Variants in TTLL11 observed in about 807,000 individuals in gnomAD.
TTLL11 encodes the protein tubulin tyrosine ligase like 11.
Under a neutral mutation model 51.7 loss-of-function variants are expected in TTLL11, and 42 were observed. The observed-to-expected ratio is 0.81, with a 90% confidence interval of 0.64 to 1.05. TTLL11 has a LOEUF of 1.05. Ranked by LOEUF, TTLL11 falls within the 50% of genes least tolerant of loss-of-function variation. TTLL11 has a pLI of 0.00. For synonymous variants in TTLL11, 381 were observed against 383.5 expected (o/e 0.99, Z 0.08); for missense variants, 799 against 940.4 (o/e 0.85, Z 1.97).
intron 1 of TTLL11, among the ~76,000 whole-genome samples, chr9:122,061,625 G>GT (rs913410703): frequency 2.3e-4 from 35 of 151,254 alleles, no homozygotes; most frequent in African/African-American, 5.6e-4. Flanking sequence ...AAGACTAAAT[G>GT]TTTTTTTTTC....
intron 6 of TTLL11, 22 bp from the exon 7 acceptor site, chr9:121,870,770 T>C (rs1390859976): frequency 6.6e-7 from 1 of 1,519,676 alleles, no homozygotes; most frequent in Non-Finnish European, 8.8e-7. Flanking sequence ...AAAGAATTAA[T>C]GATATAACAC....
intron 3 of TTLL11, among the ~76,000 whole-genome samples, chr9:122,012,453 A>C (rs7040158): frequency 0.039 from 5,938 of 152,200 alleles, 119 homozygotes; most frequent in African/African-American, 0.059. Flanking sequence ...AAAAAAAAGC[A>C]TATTAAAGCA....
intron 1 of TTLL11, among the ~76,000 whole-genome samples, chr9:122,088,202 T>C (rs1445158207): frequency 6.6e-6 from 1 of 152,206 alleles, no homozygotes; most frequent in Non-Finnish European, 1.5e-5. Context: ...CTCCCCCATA[T>C]GCTCCCTCAG....
At chr9:122,004,929 T>A (rs1331951299) in intron 3 of TTLL11, among the ~76,000 whole-genome samples, 1 of 152,210 alleles carries the variant, frequency 6.6e-6, no homozygotes, top group African/African-American at 2.4e-5. Context: ...CCAAGTACAA[T>A]GCCAGAGACT....
At chr9:122,003,087 C>G (rs1320974924) in intron 3 of TTLL11, among the ~76,000 whole-genome samples, 1 of 152,006 alleles carries the variant, frequency 6.6e-6, no homozygotes, top group Non-Finnish European at 1.5e-5. Context: ...CTCAACAGGA[C>G]AGCTATTTCA....
intron 3 of TTLL11, among the ~76,000 whole-genome samples, chr9:121,990,903 A>G (rs553622835): frequency 5.9e-5 from 9 of 152,280 alleles, no homozygotes; most frequent in African/African-American, 2.2e-4. Context: ...TGCATAATTC[A>G]TCCTCGCCCC....
intron 1 of TTLL11, among the ~76,000 whole-genome samples, chr9:122,044,128 G>T (rs539725909): frequency 1.3e-5 from 2 of 152,044 alleles, no homozygotes; most frequent in African/African-American, 4.8e-5. Flanking sequence ...TTGTCCTTGC[G>T]ATAGTTTGCT....
intron 1 of TTLL11, among the ~76,000 whole-genome samples, chr9:122,052,341 C>A (rs1303866398): frequency 6.6e-6 from 1 of 152,210 alleles, no homozygotes; most frequent in East Asian, 1.9e-4. Context: ...TTTCCCCATG[C>A]CAGCAAGGGA....
At chr9:121,894,894 A>G (rs1270667838) in intron 6 of TTLL11, among the ~76,000 whole-genome samples, 2 of 152,172 alleles carry the variant, frequency 1.3e-5, no homozygotes, top group Admixed American at 6.5e-5. Flanking sequence ...AACTTAAAGT[A>G]TAATTTTTTT....
intron 6 of TTLL11, among the ~76,000 whole-genome samples, chr9:121,945,013 T>A (rs1293137692): frequency 6.6e-6 from 1 of 152,208 alleles, no homozygotes; most frequent in Non-Finnish European, 1.5e-5. Context: ...ACCATTAGTG[T>A]TTCTTCACTA....
chr9:122,092,892 G>C lies in TTLL11; in HGVS notation c.257C>G (p.Pro86Arg). The C allele has an allele frequency of 6.4e-7, 1 of 1,568,892 alleles. No individual in the cohort carries two copies. The highest frequency in any genetic ancestry group is 1.2e-5 in the South Asian group (1 of 85,556). Residue 86 changes from proline to arginine, a missense_variant, in exon 1 of 9, where the codon CCC becomes CGC. Physicochemically the swap from Pro to Arg is moderately radical, Grantham distance 103 (BLOSUM62 -2). This residue lies in a region of TTLL11 where 166 missense variants were observed against 161.6 expected (regional missense o/e 1.03). Transcript: ENST00000321582. ...GNTQVLQRPPPTLPPSKPKPV... is the reference protein window; with the variant it reads ...GNTQVLQRPPRTLPPSKPKPV... ...CTTCGGCTTGGACGGGGGCAGCGTG[G>C]GCGGCGGCCGCTGAAGGACCTGGGT...
chr9:121,929,026 G>GCCTAAAACCTTT (rs1387091462), intron 6 of TTLL11, among the ~76,000 whole-genome samples: 2 of 152,160 alleles, frequency 1.3e-5, no homozygotes, highest in East Asian at 3.9e-4. Context: ...TAGCCTATCA[G>GCCTAAAACCTTT]AGACAACCTT....
intron 1 of TTLL11, among the ~76,000 whole-genome samples, chr9:122,058,502 C>T (rs1845355120): frequency 6.6e-6 from 1 of 152,216 alleles, no homozygotes; most frequent in South Asian, 2.1e-4. Flanking sequence ...TATATGACTA[C>T]AGTGGGGTCT....
At chr9:121,899,378 C>T (rs7038797) in intron 6 of TTLL11, among the ~76,000 whole-genome samples, 6,398 of 128,132 alleles carry the variant, frequency 0.05, 187 homozygotes, top group Admixed American at 0.079. Context: ...TATATATATA[C>T]ATATATATAT....
At chr9:121,928,889 T>C (rs1840855370) in intron 6 of TTLL11, among the ~76,000 whole-genome samples, 1 of 152,222 alleles carries the variant, frequency 6.6e-6, no homozygotes, top group Non-Finnish European at 1.5e-5. Flanking sequence ...GTAAAAATGC[T>C]ATTCATTTAC....
At chr9:121,897,640 A>ACACACACGCGCG (rs111331446) in intron 6 of TTLL11, among the ~76,000 whole-genome samples, 2 of 139,292 alleles carry the variant, frequency 1.4e-5, no homozygotes, top group Non-Finnish European at 3.1e-5. Context: ...ACACACACAC[A>ACACACACGCGCG]CGCGCGCGCG....
chr9:121,971,097 G>A (rs1324960239), intron 6 of TTLL11, among the ~76,000 whole-genome samples: 16 of 128,416 alleles, frequency 1.2e-4, no homozygotes, highest in Non-Finnish European at 1.7e-4. Context: ...CCGGCCAGCC[G>A]CCCCGTCCGG....
intron 3 of TTLL11, among the ~76,000 whole-genome samples, chr9:122,021,132 C>T (rs1435027628): frequency 6.6e-6 from 1 of 151,998 alleles, no homozygotes; most frequent in Non-Finnish European, 1.5e-5. Context: ...TTTTGAAGAC[C>T]TGGATATGAA....
intron 2 of TTLL11, among the ~76,000 whole-genome samples, chr9:122,037,583 A>T (rs147140502): frequency 6.6e-6 from 1 of 152,204 alleles, no homozygotes; most frequent in African/African-American, 2.4e-5. Flanking sequence ...ACTTAATATG[A>T]CCCTTGCTTG....
Sources: gnomAD v4.1 joint callset for allele counts (sites outside exome capture counted in the v4.1 genomes callset) on GRCh38, gnomAD v4.1.1 for gene constraint, gnomAD v4.1.1 regional missense constraint, MANE v1.5 for transcripts, NCBI Gene and HGNC (gene_info 2026-07-23, HGNC 2026-07-21) for gene names.